The following IRAK2 variants were observed in gnomAD, a reference collection of about 807,000 sequenced individuals.
IRAK2 encodes the protein interleukin-1 receptor-associated kinase-like 2.
In IRAK2, 57 loss-of-function variants were observed where a neutral mutation model predicts 72.0. The ratio of observed to expected loss-of-function variants is 0.79; its 90% CI spans 0.64 to 0.99. The LOEUF is 0.99. Ranked by LOEUF, IRAK2 falls within the 50% of genes least tolerant of loss-of-function variation. The probability of loss-of-function intolerance (pLI) is 0.00; values close to 1 mark genes in which losing one functional copy is unlikely to be tolerated. For synonymous variants in IRAK2, 293 were observed against 312.7 expected, an observed-to-expected ratio of 0.94 and a Z score of 0.67; for missense variants, 790 against 794.4, an observed-to-expected ratio of 0.99 and a Z score of 0.07.
intron 3 of IRAK2, among the ~76,000 whole-genome samples, chr3:10,204,154 C>T (rs1005565834): frequency 6.6e-6 from 1 of 152,196 alleles, no homozygotes; most frequent in African/African-American, 2.4e-5. Flanking sequence ...ACAGCCTGAC[C>T]TTTGTGCTCT....
At chr3:10,226,724 C>A (rs1205858124) in intron 10 of IRAK2, among the ~76,000 whole-genome samples, 2 of 151,802 alleles carry the variant, frequency 1.3e-5, no homozygotes, top group Non-Finnish European at 2.9e-5. Flanking sequence ...TCAAGACCAG[C>A]CTGGCCAACA....
At chr3:10,175,181 T>C (rs921305380) in intron 1 of IRAK2, among the ~76,000 whole-genome samples, 1 of 152,164 alleles carries the variant, frequency 6.6e-6, no homozygotes, top group Non-Finnish European at 1.5e-5. Context: ...TGGAGTGCAG[T>C]GGCACGATCT....
At chr3:10,234,060 G>A (rs796631003) in intron 10 of IRAK2, among the ~76,000 whole-genome samples, 10 of 152,026 alleles carry the variant, frequency 6.6e-5, no homozygotes, top group African/African-American at 1.9e-4. Context: ...ACGGGGTTTC[G>A]CCCTGTTGGC....
intron 10 of IRAK2, among the ~76,000 whole-genome samples, 197 bp from the exon 11 acceptor site, chr3:10,234,262 C>T (rs1305684766): frequency 2.6e-5 from 4 of 152,112 alleles, no homozygotes; most frequent in Non-Finnish European, 5.9e-5. Flanking sequence ...CTATGGAGTG[C>T]CCTGTGCATG....
rs1486393920 is a variant in IRAK2 at position 10,242,526 on chromosome 3, G to A, written c.*298G>A. On this transcript the variant is annotated 3_prime_UTR_variant, in exon 13 of 13. Coordinates refer to ENST00000256458, the MANE Select transcript of IRAK2 (RefSeq NM_001570.4). ...ACGGGCCCAGGATGTGGCTGATTTT[G>A]TGGTTCCGGGGAGTATGTGATGATA... is the stretch of plus-strand genomic sequence containing the variant. The A allele has an allele frequency of 5.2e-6, 1 of 193,354 alleles. No homozygotes were observed. Among genetic ancestry groups the A allele is most frequent in the Non-Finnish European group, 1.1e-5 (1 of 94,976 alleles). The allele number at this position is 193,354 out of a possible 1,614,324, so 12.0% of individuals were successfully genotyped here. A position where few individuals can be genotyped will look rare whatever the true frequency, so the allele number is the denominator to read the frequency against.
intron 6 of IRAK2, among the ~76,000 whole-genome samples, chr3:10,213,995 C>A (rs1157005332): frequency 6.6e-6 from 1 of 151,012 alleles, no homozygotes; most frequent in Non-Finnish European, 1.5e-5. Flanking sequence ...GTGGCGTGAT[C>A]TCGGCTCACT....
intron 1 of IRAK2, among the ~76,000 whole-genome samples, chr3:10,175,250 G>T (rs556812788): frequency 6.6e-6 from 1 of 151,954 alleles, no homozygotes; most frequent in African/African-American, 2.4e-5. Context: ...TCAGCCTCCC[G>T]AGTAGCTGGG....
chr3:10,175,563 G>A (rs1027274600), intron 1 of IRAK2, among the ~76,000 whole-genome samples: 1 of 152,086 alleles, frequency 6.6e-6, no homozygotes, highest in African/African-American at 2.4e-5. Context: ...AGAGCAGCCT[G>A]GGCAACATAG....
In IRAK2 at chr3:10,193,608, G is replaced by A. The variant is rs182021402; in HGVS notation, c.278-6761G>A. Among the ~76,000 whole-genome samples the A allele has an allele frequency of 3.9e-5, 6 of 152,296 alleles. No individual in the cohort carries two copies. In the East Asian group the frequency reaches 1.2e-3, roughly 29 times the overall value. On this transcript the variant is annotated intron_variant, in intron 2 of 12. Transcript: ENST00000256458. ...AGTGCACTCTAGCCTGGGTCACAGA[G>A]CAAGACTCTGCCTCAAAAACAAAAA...
Position 10,242,104 on chromosome 3 carries a change from G to C in IRAK2, c.1766-12G>C. ...TTCAAGTCGCTCTTGTTTGCTTTCT[G>C]TTGAACATCAGTTACAGAAACTTCG... On this transcript the variant is annotated splice_polypyrimidine_tract_variant and intron_variant, in intron 12 of 12. Coordinates refer to ENST00000256458, the MANE Select transcript of IRAK2 (RefSeq NM_001570.4). The C allele has an allele frequency of 2.0e-6, 3 of 1,503,954 alleles. No homozygotes were observed. In the South Asian group the frequency reaches 3.4e-5, roughly 17 times the overall value. The allele number at this position is 1,503,954 out of a possible 1,614,324, so 93.2% of individuals were successfully genotyped here.
chr3:10,242,250 C>CAAGGGT lies in IRAK2; in HGVS notation c.*22_*23insAAGGGT. Reference sequence around the variant, plus strand: ...CTGATGACCGGAACACAGCTGAGGACCCTTGTCCTCAGTTGGAAAGATGAG... The same window carrying CAAGGGT: ...CTGATGACCGGAACACAGCTGAGGACAAGGGTCCTTGTCCTCAGTTGGAAAGATGAG... On this transcript the variant is annotated 3_prime_UTR_variant, in exon 13 of 13. Coordinates refer to ENST00000256458, the MANE Select transcript of IRAK2 (RefSeq NM_001570.4). 1 of 1,385,732 alleles carries CAAGGGT rather than the reference C, an allele frequency of 7.2e-7. No individual in the cohort carries two copies. Among genetic ancestry groups the CAAGGGT allele is most frequent in the Non-Finnish European group, 1.0e-6 (1 of 988,378 alleles). 85.8% of individuals were successfully genotyped at this position (1,385,732 alleles called of 1,614,324 possible).
At chr3:10,202,102 A>G (rs1233283534) in intron 3 of IRAK2, among the ~76,000 whole-genome samples, 1 of 152,222 alleles carries the variant, frequency 6.6e-6, no homozygotes, top group Non-Finnish European at 1.5e-5. Context: ...GGTTGAATCT[A>G]GAAAGTTAAT....
rs1553626777 is a variant in IRAK2, at chr3:10,237,966, T to TGTGA, written c.1474-781_1474-780insTGAG. On this transcript the variant is annotated intron_variant, in intron 11 of 12. Transcript: ENST00000256458. ...GTGTGTGTGTGTGTGTGTGTGTGTG[T>TGTGA]GAAGAAGAAACATTCCTTCCTTGCT... 3.3e-5 allele frequency among the ~76,000 whole-genome samples: 5 copies of TGTGA among 150,862 alleles called. No homozygotes were observed. The East Asian group carries it at 5.9e-4, about 18-fold the overall frequency.
chr3:10,240,558 C>CCCCTT (rs1274154130), intron 12 of IRAK2, among the ~76,000 whole-genome samples: 13 of 18,060 alleles, frequency 7.2e-4, no homozygotes, highest in African/African-American at 3.4e-3. Context: ...CCCCCCCCGC[C>CCCCTT]TTTTTTTTTT....
At chr3:10,166,447 A>G (rs1696690372) in intron 1 of IRAK2, among the ~76,000 whole-genome samples, 1 of 152,166 alleles carries the variant, frequency 6.6e-6, no homozygotes, top group African/African-American at 2.4e-5. Context: ...TTCCAGGTGG[A>G]GATCTGCATT....
intron 2 of IRAK2, among the ~76,000 whole-genome samples, chr3:10,193,344 C>T (rs1697205688): frequency 6.6e-6 from 1 of 152,068 alleles, no homozygotes. Context: ...TGGCTCACAC[C>T]TGTAATCCCA....
chr3:10,196,118 T>C (rs1346147811), intron 2 of IRAK2, among the ~76,000 whole-genome samples: 1 of 152,014 alleles, frequency 6.6e-6, no homozygotes, highest in African/African-American at 2.4e-5. Flanking sequence ...TGGTTTTCTG[T>C]TGTTGTTGTT....
chr3:10,215,574 C>G (rs975874388), intron 6 of IRAK2, among the ~76,000 whole-genome samples: 2 of 151,786 alleles, frequency 1.3e-5, no homozygotes, highest in Admixed American at 6.6e-5. Context: ...TTTGTAGAGA[C>G]ACGATCTCAC....
intron 1 of IRAK2, among the ~76,000 whole-genome samples, chr3:10,173,877 C>A (rs937382190): frequency 6.6e-6 from 1 of 152,132 alleles, no homozygotes; most frequent in African/African-American, 2.4e-5. Context: ...GATTGGTCAA[C>A]ACCTTAAGAT....
Sources: allele counts gnomAD v4.1 joint callset (sites outside exome capture counted in the v4.1 genomes callset), GRCh38; gene constraint gnomAD v4.1.1; transcripts MANE v1.5; gene names NCBI Gene and HGNC (gene_info 2026-07-23, HGNC 2026-07-21).